Variants in GORASP2 observed in about 807,000 individuals in gnomAD.
GORASP2 encodes Golgi reassembly-stacking protein 2.
GORASP2 carries 22 observed loss-of-function variants against 45.7 expected under a neutral mutation model. The observed-to-expected ratio is 0.48, with a 90% confidence interval of 0.34 to 0.69. The LOEUF (loss-of-function observed/expected upper bound fraction) is 0.69, where lower values mean the gene tolerates loss of function less well. GORASP2 is among the 30% of genes least tolerant of loss of function. GORASP2 has a pLI of 0.01. For synonymous variants in GORASP2, 221 were observed against 215.6 expected, an observed-to-expected ratio of 1.02 and a Z score of -0.22; for missense variants, 491 against 562.7, an observed-to-expected ratio of 0.87 and a Z score of 1.29.
In GORASP2 at chr2:170,956,296, A is replaced by AG. The variant is rs1468622972; in HGVS notation, c.700-138dup. The stretch of plus-strand genomic sequence containing the variant: ...ACCAAAATTAGGAGGGAGTGTCTGG[A>AG]GGCAGACGTGCCAGATGAAGCTTGT... On this transcript the variant is annotated intron_variant, in intron 6 of 9. Coordinates refer to ENST00000234160, the MANE Select transcript of GORASP2 (RefSeq NM_015530.5). 5 of 653,636 alleles carry AG rather than the reference A, an allele frequency of 7.6e-6. No individual in the cohort carries two copies. In the Admixed American group the frequency reaches 1.5e-4, roughly 20 times the overall value. 40.5% of individuals were successfully genotyped at this position (653,636 alleles called of 1,614,324 possible). A position where few individuals can be genotyped will look rare whatever the true frequency, so the allele number is the denominator to read the frequency against.
chr2:170,957,462 G>T (rs1444865552), intron 7 of GORASP2, among the ~76,000 whole-genome samples: 3 of 152,190 alleles, frequency 2.0e-5, no homozygotes, highest in Non-Finnish European at 4.4e-5. Context: ...ATTTTTAGTA[G>T]AGACGGTTTC....
chr2:170,949,152 ATAGAGTCCAAAAT>A (rs1168558229), intron 2 of GORASP2, among the ~76,000 whole-genome samples: 1 of 152,186 alleles, frequency 6.6e-6, no homozygotes, highest in Non-Finnish European at 1.5e-5. Flanking sequence ...GTATTTAGAA[ATAGAGTCCAAAAT>A]TAAACGTTAA....
At chr2:170,930,237 G>A (rs1029709022) in intron 1 of GORASP2, among the ~76,000 whole-genome samples, 1 of 152,186 alleles carries the variant, frequency 6.6e-6, no homozygotes, top group Non-Finnish European at 1.5e-5. Context: ...ACCTATGAAC[G>A]GCCTGGGCCT....
At chr2:170,949,475 T>C (rs1160792672) in intron 2 of GORASP2, 64 bp from the exon 3 acceptor site, 5 of 1,120,900 alleles carry the variant, frequency 4.5e-6, no homozygotes, top group Non-Finnish European at 5.4e-6. Flanking sequence ...TATAGGGCCA[T>C]AGGATGCTTA....
chr2:170,959,845 G>C (rs1276086007), intron 7 of GORASP2, among the ~76,000 whole-genome samples: 3 of 120,962 alleles, frequency 2.5e-5, no homozygotes, highest in Admixed American at 1.1e-4. Context: ...TTTTTGAGAC[G>C]GAGTCTTGCT....
Position 170,948,330 on chromosome 2 carries a change from T to C in GORASP2, c.64-20T>C. On this transcript the variant is annotated intron_variant, in intron 1 of 9. Coordinates refer to ENST00000234160, the MANE Select transcript of GORASP2 (RefSeq NM_015530.5). The stretch of plus-strand genomic sequence containing the variant: ...ACCTAAGCTTTACATTTTTTATTTT[T>C]GTCGTTTTTGTTTCCGCAGGTACAA... 7.0e-7 allele frequency: 1 copy of C among 1,433,212 alleles called. No homozygotes were observed. The highest frequency in any genetic ancestry group is 1.2e-5 in the South Asian group (1 of 84,224). 88.8% of individuals were successfully genotyped at this position (1,433,212 alleles called of 1,614,324 possible). A position where few individuals can be genotyped will look rare whatever the true frequency, so the allele number is the denominator to read the frequency against.
intron 7 of GORASP2, among the ~76,000 whole-genome samples, chr2:170,960,491 G>T (rs1025730852): frequency 1.3e-5 from 2 of 152,194 alleles, no homozygotes; most frequent in African/African-American, 4.8e-5. Flanking sequence ...ACTTGTGAAT[G>T]TATCTATCCT....
At chr2:170,940,748 A>G (rs1185953076) in intron 1 of GORASP2, among the ~76,000 whole-genome samples, 1 of 151,918 alleles carries the variant, frequency 6.6e-6, no homozygotes, top group Non-Finnish European at 1.5e-5. Context: ...CAAAAAATGT[A>G]TTTTCCATTG....
At chr2:170,943,930 C>T (rs1704129940) in intron 1 of GORASP2, among the ~76,000 whole-genome samples, 1 of 152,190 alleles carries the variant, frequency 6.6e-6, no homozygotes, top group East Asian at 1.9e-4. Context: ...CTCACCTCTG[C>T]CTCCCAAAGT....
chr2:170,934,143 T>C (rs1703889981), intron 1 of GORASP2, among the ~76,000 whole-genome samples: 1 of 152,192 alleles, frequency 6.6e-6, no homozygotes, highest in South Asian at 2.1e-4. Flanking sequence ...TGATGGGATT[T>C]CAATTTAGTA....
Position 170,961,340 on chromosome 2 carries a change from A to AAACTGTCT in GORASP2, c.824-323_824-322insAACTGTCT, listed in dbSNP as rs1318012624. Reference sequence around the variant, plus strand: ...ATTGACTAGAATCCTTGTGTCCCATATACAAATTTCTAAGACAGTTTTCTA... The same window carrying AAACTGTCT: ...ATTGACTAGAATCCTTGTGTCCCATAAACTGTCTTACAAATTTCTAAGACAGTTTTCTA... On this transcript the variant is annotated intron_variant, in intron 7 of 9. Transcript: ENST00000234160. 2.6e-5 allele frequency among the ~76,000 whole-genome samples: 4 copies of AAACTGTCT among 152,322 alleles called. 1 individual carries two copies. Among genetic ancestry groups the AAACTGTCT allele is most frequent in the African/African-American group, 9.6e-5 (4 of 41,576 alleles).
At chr2:170,961,418 G>A (rs528828450) in intron 7 of GORASP2, among the ~76,000 whole-genome samples, 9 of 142,860 alleles carry the variant, frequency 6.3e-5, no homozygotes, top group African/African-American at 2.4e-4. Context: ...AGCTGGGCTG[G>A]GGTGGGACTG....
chr2:170,964,375 A>T (rs187397629), intron 9 of GORASP2, among the ~76,000 whole-genome samples: 1 of 152,368 alleles, frequency 6.6e-6, no homozygotes, highest in East Asian at 1.9e-4. Flanking sequence ...GTACTAGGCC[A>T]GGCACAGTGG....
upstream of GORASP2, chr2:170,928,704 A>C (rs1703736945): frequency 6.6e-6 from 1 of 152,112 alleles, no homozygotes; most frequent in Non-Finnish European, 1.5e-5. Context: ...ACAAACCCAA[A>C]CCAAAAAAGA....
intron 5 of GORASP2, 71 bp downstream of exon 5, chr2:170,951,529 G>A (rs759907066): frequency 8.5e-7 from 1 of 1,171,138 alleles, no homozygotes; most frequent in Admixed American, 2.6e-5. Flanking sequence ...GACATTGATT[G>A]TTTTTATTTT....
chr2:170,952,147 C>G (rs572204351), intron 5 of GORASP2, among the ~76,000 whole-genome samples: 2 of 152,340 alleles, frequency 1.3e-5, no homozygotes, highest in East Asian at 3.9e-4. Context: ...AAAATACCCC[C>G]TCTCTAGTTA....
At chr2:170,933,731 G>A (rs1703880326) in intron 1 of GORASP2, among the ~76,000 whole-genome samples, 1 of 152,106 alleles carries the variant, frequency 6.6e-6, no homozygotes. Context: ...AATAGCTGAG[G>A]GCATACTTTC....
At chr2:170,958,339 G>T (rs187705765) in intron 7 of GORASP2, among the ~76,000 whole-genome samples, 2 of 152,122 alleles carry the variant, frequency 1.3e-5, no homozygotes, top group Admixed American at 1.3e-4. Context: ...ACAACTAAAT[G>T]ATTTTTAGTA....
rs566898144 is a variant in GORASP2 at position 170,955,976 on chromosome 2, C to T, written c.700-460C>T. Among the ~76,000 whole-genome samples, 11 of 152,344 alleles carry T rather than the reference C, an allele frequency of 7.2e-5. No homozygotes were observed. In the East Asian group the frequency reaches 7.7e-4, roughly 11 times the overall value. On this transcript the variant is annotated intron_variant, in intron 6 of 9. Coordinates refer to ENST00000234160, the MANE Select transcript of GORASP2 (RefSeq NM_015530.5). ...TTCACTGATGAGAAAATATTAAATG[C>T]ACTCATGAGGTTGGAAATCTTGAGA...
Sources: allele counts gnomAD v4.1 joint callset (sites outside exome capture counted in the v4.1 genomes callset), GRCh38; gene constraint gnomAD v4.1.1; transcripts MANE v1.5; gene names NCBI Gene and HGNC (gene_info 2026-07-23, HGNC 2026-07-21).